The following RBFOX1 variants were observed in gnomAD, a reference collection of about 807,000 sequenced individuals.
The protein encoded by RBFOX1 is RNA binding protein fox-1 homolog 1.
A neutral mutation model predicts 57.7 loss-of-function variants in RBFOX1; 8 were observed. The ratio of observed to expected loss-of-function variants is 0.14; its 90% CI spans 0.08 to 0.25. The LOEUF (loss-of-function observed/expected upper bound fraction) is 0.25. RBFOX1 is among the 10% of genes least tolerant of loss of function. The pLI is 1.00. For missense variants in RBFOX1, 611 were observed against 548.5 expected, an observed-to-expected ratio of 1.11 and a Z score of -1.14; for synonymous variants, 326 against 222.4, an observed-to-expected ratio of 1.47 and a Z score of -4.15.
At chr16:6,387,673 C>T (rs1332741625) in intron 2 of RBFOX1, among the ~76,000 whole-genome samples, 2 of 152,112 alleles carry the variant, frequency 1.3e-5, no homozygotes, top group Non-Finnish European at 2.9e-5. Flanking sequence ...TAGCTTTATG[C>T]ACTTGGGATT....
At chr16:7,111,863 T>C (rs1288709371) in intron 4 of RBFOX1, among the ~76,000 whole-genome samples, 2 of 152,128 alleles carry the variant, frequency 1.3e-5, no homozygotes, top group Non-Finnish European at 2.9e-5. Flanking sequence ...CTTGTATAAA[T>C]TGATCAGTTG....
At chr16:5,550,560 A>C (rs73522769) in intron 2 of RBFOX1, among the ~76,000 whole-genome samples, 2 of 152,190 alleles carry the variant, frequency 1.3e-5, no homozygotes, top group African/African-American at 4.8e-5. Context: ...CAGACCTGTC[A>C]CATTAAAAAA....
intron 3 of RBFOX1, among the ~76,000 whole-genome samples, chr16:6,909,973 C>T (rs1445760659): frequency 6.6e-6 from 1 of 152,020 alleles, no homozygotes; most frequent in Admixed American, 6.6e-5. Context: ...AATATTGCTC[C>T]TCAGGCAGAT....
At chr16:5,760,972 G>A (rs1180158155) in intron 3 of RBFOX1, among the ~76,000 whole-genome samples, 1 of 152,166 alleles carries the variant, frequency 6.6e-6, no homozygotes, top group Non-Finnish European at 1.5e-5. Context: ...CTTTAAAATG[G>A]GTAATTGTAT....
At chr16:5,823,568 G>T (rs968467796) in intron 3 of RBFOX1, among the ~76,000 whole-genome samples, 3 of 152,144 alleles carry the variant, frequency 2.0e-5, no homozygotes, top group East Asian at 3.9e-4. Flanking sequence ...GAGGTGAGTT[G>T]CAGGCAAGTA....
intron 3 of RBFOX1, among the ~76,000 whole-genome samples, chr16:6,730,561 A>T (rs1236260604): frequency 1.3e-5 from 2 of 152,178 alleles, no homozygotes; most frequent in Non-Finnish European, 2.9e-5. Flanking sequence ...GCATCTATGT[A>T]TCTGCCTATC....
At chr16:5,673,516 G>C (rs190757035) in intron 3 of RBFOX1, among the ~76,000 whole-genome samples, 2 of 152,172 alleles carry the variant, frequency 1.3e-5, no homozygotes, top group East Asian at 3.9e-4. Flanking sequence ...GCAGGGTCTC[G>C]CTTGGCACCT....
At chr16:6,835,206 G>C (rs966484949) in intron 3 of RBFOX1, among the ~76,000 whole-genome samples, 11 of 152,064 alleles carry the variant, frequency 7.2e-5, no homozygotes, top group African/African-American at 2.4e-4. Context: ...CGACCGGCCT[G>C]ACTTCTCTTG....
At chr16:6,776,135 G>T (rs556088016) in intron 3 of RBFOX1, 31 of 152,948 alleles carry the variant, frequency 2.0e-4, no homozygotes, top group African/African-American at 7.2e-4. Context: ...CACTGGGCTG[G>T]GCGTGGTGGC....
At chr16:5,971,326 G>T in intron 4 of RBFOX1, among the ~76,000 whole-genome samples, 1 of 152,214 alleles carries the variant, frequency 6.6e-6, no homozygotes, top group East Asian at 1.9e-4. Flanking sequence ...ATGTGTGGAC[G>T]TTATCCTCAA....
rs1028486270 is a variant in RBFOX1, at chr16:6,147,106, A to G, written c.-127+127114A>G. 2.6e-5 allele frequency among the ~76,000 whole-genome samples: 4 copies of G among 152,264 alleles called. No individual in the cohort carries two copies. In the South Asian group the frequency reaches 8.3e-4, roughly 32 times the overall value. ...TTCCACCCACGGAATCAGAATTTGC[A>G]TGGATAGAGAGCCAGAGAAATACTT... On this transcript the variant is annotated intron_variant, in intron 1 of 15. Coordinates refer to ENST00000550418, the MANE Select transcript of RBFOX1 (RefSeq NM_018723.4).
intron 1 of RBFOX1, among the ~76,000 whole-genome samples, chr16:6,136,859 T>C: frequency 6.6e-6 from 1 of 152,190 alleles, no homozygotes; most frequent in East Asian, 1.9e-4. Flanking sequence ...TGAAAAATAG[T>C]TGTGTTCCTT....
intron 2 of RBFOX1, among the ~76,000 whole-genome samples, chr16:6,440,839 G>C (rs1191750341): frequency 1.3e-5 from 2 of 151,434 alleles, no homozygotes; most frequent in African/African-American, 4.9e-5. Flanking sequence ...AGGATCAAGA[G>C]GGTGGTGATA....
chr16:7,421,669 C>A (rs2098543962), intron 4 of RBFOX1, among the ~76,000 whole-genome samples: 2 of 152,224 alleles, frequency 1.3e-5, no homozygotes, highest in African/African-American at 4.8e-5. Context: ...GCTTACTGTC[C>A]CATTTCCACT....
At chr16:7,129,303 G>A (rs1030308064) in intron 4 of RBFOX1, among the ~76,000 whole-genome samples, 2 of 152,094 alleles carry the variant, frequency 1.3e-5, no homozygotes, top group African/African-American at 4.8e-5. Context: ...TGTTTCATCG[G>A]TTTGGTTAGA....
chr16:6,786,334 A>G (rs148398769), intron 3 of RBFOX1, among the ~76,000 whole-genome samples: 43 of 152,260 alleles, frequency 2.8e-4, no homozygotes, highest in Middle Eastern at 6.8e-3. Flanking sequence ...AAGGCCCACA[A>G]TGTACCCCCA....
intron 4 of RBFOX1, among the ~76,000 whole-genome samples, chr16:7,399,753 A>G (rs925451337): frequency 2.0e-5 from 3 of 152,130 alleles, no homozygotes; most frequent in African/African-American, 7.2e-5. Flanking sequence ...TAACTTGATT[A>G]CATCTGCAAA....
intron 3 of RBFOX1, among the ~76,000 whole-genome samples, chr16:6,838,590 TCTG>T (rs1333597834): frequency 2.6e-5 from 4 of 152,190 alleles, no homozygotes; most frequent in Non-Finnish European, 5.9e-5. Flanking sequence ...CTGCTGCCCC[TCTG>T]CTGCTGCTGT....
At chr16:7,637,036 G>A (rs561557968) in intron 11 of RBFOX1, among the ~76,000 whole-genome samples, 13 of 152,234 alleles carry the variant, frequency 8.5e-5, no homozygotes, top group African/African-American at 2.6e-4. Context: ...AATTTAGTCC[G>A]TAGCAAGCCC....
Sources: gnomAD v4.1 joint callset for allele counts (sites outside exome capture counted in the v4.1 genomes callset) on GRCh38, gnomAD v4.1.1 for gene constraint, MANE v1.5 for transcripts, NCBI Gene and HGNC (gene_info 2026-07-23, HGNC 2026-07-21) for gene names.